Variants in SPOCK1 observed in about 807,000 individuals in gnomAD.
SPOCK1 encodes the protein testican-1.
Under a neutral mutation model 55.3 loss-of-function variants are expected in SPOCK1, and 23 were observed. The observed-to-expected ratio is 0.42, with a 90% CI of 0.30 to 0.59. The LOEUF is 0.59. SPOCK1 is among the 20% of genes least tolerant of loss of function. The pLI, the probability that SPOCK1 is intolerant of heterozygous loss-of-function variation, is 0.22. For missense variants in SPOCK1, 499 were observed against 552.5 expected (o/e 0.90, Z 0.97); for synonymous variants, 226 against 221.0 (o/e 1.02, Z -0.20).
At chr5:137,473,687 A>C (rs1753781499) in intron 2 of SPOCK1, among the ~76,000 whole-genome samples, 1 of 152,256 alleles carries the variant, frequency 6.6e-6, no homozygotes, top group Non-Finnish European at 1.5e-5. Flanking sequence ...TCACTTTAAA[A>C]ATAAGAATTT....
intron 4 of SPOCK1, among the ~76,000 whole-genome samples, chr5:137,115,880 C>G (rs527949877): frequency 1.3e-5 from 2 of 152,178 alleles, no homozygotes; most frequent in Non-Finnish European, 2.9e-5. Context: ...AAAAAAATAA[C>G]TAACCCAGTC....
chr5:137,292,735 T>C lies in SPOCK1; in HGVS notation c.187-25680A>G, dbSNP rs186890434. Among the ~76,000 whole-genome samples the C allele has an allele frequency of 1.4e-4, 21 of 149,728 alleles. No homozygotes were observed. In the Admixed American group the frequency reaches 1.4e-3, roughly 10 times the overall value. On this transcript the variant is annotated intron_variant, in intron 2 of 10. Coordinates refer to ENST00000394945, the MANE Select transcript of SPOCK1 (RefSeq NM_004598.4). ...AAGAACAAAATGGTATTTTACTACC[T>C]GTAGATACACATCCTAACTTTTAAA...
At chr5:137,141,651 T>C (rs1248304666) in intron 3 of SPOCK1, among the ~76,000 whole-genome samples, 1 of 152,104 alleles carries the variant, frequency 6.6e-6, no homozygotes, top group East Asian at 1.9e-4. Flanking sequence ...AGGGCAAGGA[T>C]TGGTGAAGCA....
intron 6 of SPOCK1, among the ~76,000 whole-genome samples, chr5:137,006,540 T>C (rs1006740362): frequency 6.6e-6 from 1 of 152,242 alleles, no homozygotes; most frequent in Non-Finnish European, 1.5e-5. Flanking sequence ...TTTTTGCACA[T>C]TGATTTTGTA....
chr5:137,470,099 C>CCA (rs1417823784), intron 2 of SPOCK1, among the ~76,000 whole-genome samples: 8 of 152,200 alleles, frequency 5.3e-5, no homozygotes, highest in African/African-American at 1.9e-4. Flanking sequence ...TCCACTGAGA[C>CCA]CACAGATGGC....
chr5:137,447,200 T>C (rs959714633), intron 2 of SPOCK1, among the ~76,000 whole-genome samples: 1 of 152,228 alleles, frequency 6.6e-6, no homozygotes, highest in Non-Finnish European at 1.5e-5. Context: ...GCCTAATGTT[T>C]TTCATTGTTT....
intron 4 of SPOCK1, among the ~76,000 whole-genome samples, chr5:137,116,594 C>T (rs917902026): frequency 5.9e-5 from 9 of 151,706 alleles, no homozygotes; most frequent in Non-Finnish European, 7.4e-5. Context: ...TACAGTGAGC[C>T]GAGATCATAC....
In SPOCK1 at chr5:137,161,435, A is replaced by C. The variant is rs556706592; in HGVS notation, c.233-20741T>G. ...TAAACTCTCTCTCCAGGTAAGGCTGACTACCTTGCCTGCCAACATGACCCC... is the reference window on the plus strand; with the variant it reads ...TAAACTCTCTCTCCAGGTAAGGCTGCCTACCTTGCCTGCCAACATGACCCC... On this transcript the variant is annotated intron_variant, in intron 3 of 10. Transcript: ENST00000394945. Among the ~76,000 whole-genome samples, 4 of 152,202 alleles carry C rather than the reference A, an allele frequency of 2.6e-5. No individual in the cohort carries two copies. The East Asian group carries it at 5.8e-4, about 22-fold the overall frequency.
intron 3 of SPOCK1, among the ~76,000 whole-genome samples, chr5:137,145,054 A>G (rs1187380085): frequency 1.3e-5 from 2 of 152,002 alleles, no homozygotes; most frequent in African/African-American, 4.8e-5. Flanking sequence ...GCAGGCGCCC[A>G]CCAAAGGTTA....
At chr5:137,007,644 T>C (rs1176209380) in intron 6 of SPOCK1, among the ~76,000 whole-genome samples, 1 of 152,172 alleles carries the variant, frequency 6.6e-6, no homozygotes, top group Non-Finnish European at 1.5e-5. Flanking sequence ...AAACAAAAGA[T>C]GCTGGAGAGG....
intron 2 of SPOCK1, among the ~76,000 whole-genome samples, chr5:137,492,269 T>C (rs1473374081): frequency 6.6e-6 from 1 of 152,206 alleles, no homozygotes; most frequent in African/African-American, 2.4e-5. Context: ...AATGGGTGCC[T>C]AACGCCGGGA....
intron 3 of SPOCK1, among the ~76,000 whole-genome samples, chr5:137,263,939 T>G (rs1756798863): frequency 6.6e-6 from 1 of 152,192 alleles, no homozygotes; most frequent in Non-Finnish European, 1.5e-5. Context: ...AATTACATGA[T>G]GATAGCACTC....
At chr5:137,290,750 G>A (rs1757356242) in intron 2 of SPOCK1, among the ~76,000 whole-genome samples, 1 of 152,186 alleles carries the variant, frequency 6.6e-6, no homozygotes, top group African/African-American at 2.4e-5. Context: ...ACCTTCATAT[G>A]GCAGAACGGA....
intron 2 of SPOCK1, among the ~76,000 whole-genome samples, chr5:137,457,687 G>C (rs963234567): frequency 5.9e-5 from 9 of 152,162 alleles, no homozygotes; most frequent in African/African-American, 2.2e-4. Flanking sequence ...GTGCCAAATA[G>C]CGTGAAAGAC....
intron 3 of SPOCK1, among the ~76,000 whole-genome samples, chr5:137,213,040 G>A (rs548398413): frequency 2.0e-5 from 3 of 152,220 alleles, no homozygotes; most frequent in Non-Finnish European, 4.4e-5. Context: ...AAATCACTGT[G>A]GATCCTTTCA....
At chr5:137,292,842 C>T (rs370340876) in intron 2 of SPOCK1, among the ~76,000 whole-genome samples, 1 of 152,150 alleles carries the variant, frequency 6.6e-6, no homozygotes, top group African/African-American at 2.4e-5. Context: ...TGGACAAACA[C>T]GAAACTGGCA....
chr5:137,084,720 A>C (rs1005871731), intron 5 of SPOCK1, among the ~76,000 whole-genome samples: 2 of 152,098 alleles, frequency 1.3e-5, no homozygotes, highest in Non-Finnish European at 2.9e-5. Context: ...AACCCAAAAA[A>C]CAAAAAACAG....
chr5:136,982,360 AAATACTAATCAATAATAATAAATGT>A (rs1352516087), intron 9 of SPOCK1, among the ~76,000 whole-genome samples: 1 of 152,220 alleles, frequency 6.6e-6, no homozygotes, highest in Non-Finnish European at 1.5e-5. Flanking sequence ...CTCTCCTTTA[AAATACTAATCAATAATAATAAATGT>A]GTTTGACCTG....
intron 2 of SPOCK1, among the ~76,000 whole-genome samples, chr5:137,424,825 G>T (rs771385031): frequency 1.3e-5 from 2 of 152,218 alleles, no homozygotes; most frequent in Non-Finnish European, 2.9e-5. Context: ...TCCTGGGACT[G>T]AGGGACTGAG....
Sources: gnomAD v4.1 joint callset for allele counts (sites outside exome capture counted in the v4.1 genomes callset) on GRCh38, gnomAD v4.1.1 for gene constraint, MANE v1.5 for transcripts, NCBI Gene and HGNC (gene_info 2026-07-23, HGNC 2026-07-21) for gene names.